CACYBP: variants seen among roughly 807,000 people sequenced by gnomAD.
CACYBP encodes the protein calcyclin-binding protein.
In CACYBP, 11 loss-of-function variants were observed where a neutral mutation model predicts 29.6. The observed-to-expected ratio is 0.37, with a 90% CI of 0.23 to 0.61. The LOEUF (loss-of-function observed/expected upper bound fraction) is 0.61. Among genes scored for constraint, CACYBP ranks in the 20% least tolerant of loss-of-function variants. CACYBP has a pLI of 0.65. For missense variants in CACYBP, 163 were observed against 260.7 expected (o/e 0.63, Z 2.58); for synonymous variants, 73 against 88.3 (o/e 0.83, Z 0.97).
chr1:175,000,283 G>A (rs1185700808), intron 1 of CACYBP, 88 bp downstream of exon 1: 1 of 1,534,888 alleles, frequency 6.5e-7, no homozygotes, highest in African/African-American at 1.4e-5. Context: ...CGTGGGCTGA[G>A]CCGCCCTGCG....
rs1360456054 is a variant in CACYBP at position 175,009,237 on chromosome 1, CA to C, written c.530+532del. On this transcript the variant is annotated intron_variant, in intron 5 of 5. Coordinates refer to ENST00000367679, the MANE Select transcript of CACYBP (RefSeq NM_014412.3). ...TAAAAAATACATGAGCTTCAGGGTA[CA>C]TCCATGTGTAATGTTTATGATTTTC... Among the ~76,000 whole-genome samples, 43 of 152,098 alleles carry C rather than the reference CA, an allele frequency of 2.8e-4. 1 individual carries two copies. The highest frequency in any genetic ancestry group is 2.8e-3 in the Admixed American group (43 of 15,270).
intron 1 of CACYBP, among the ~76,000 whole-genome samples, chr1:175,003,222 G>A (rs1000477940): frequency 3.3e-5 from 5 of 151,780 alleles, no homozygotes; most frequent in African/African-American, 1.2e-4. Flanking sequence ...GGGTTCAAGC[G>A]ATTCTTCTGC....
intron 1 of CACYBP, 93 bp downstream of exon 1, chr1:175,000,288 C>T: frequency 3.9e-6 from 6 of 1,527,028 alleles, no homozygotes; most frequent in South Asian, 2.4e-5. Flanking sequence ...GCTGAGCCGC[C>T]CTGCGGCCAC....
At chr1:175,004,471 T>G (rs1226559699) in intron 1 of CACYBP, 143 bp from the exon 2 acceptor site, 6 of 550,878 alleles carry the variant, frequency 1.1e-5, no homozygotes, top group Non-Finnish European at 1.9e-5. Flanking sequence ...ATGGAAGAAT[T>G]GAAGTTGCAA....
Position 175,011,629 on chromosome 1 carries a change from A to G in CACYBP, c.*1550A>G, listed in dbSNP as rs1037662327. ...ATTCCAATAATTAAGAATACTTCAT[A>G]CAAAAAGAAATGTAAATGACCTTTA... On this transcript the variant is annotated 3_prime_UTR_variant, in exon 6 of 6. Coordinates refer to ENST00000367679, the MANE Select transcript of CACYBP (RefSeq NM_014412.3). The G allele has an allele frequency of 2.6e-5, 4 of 152,260 alleles. No individual in the cohort carries two copies. Among genetic ancestry groups the G allele is most frequent in the Admixed American group, 6.5e-5 (1 of 15,288 alleles). The allele number at this position is 152,260 out of a possible 1,614,324, so 9.4% of individuals were successfully genotyped here.
chr1:175,004,890 G>C (rs1486942460), intron 2 of CACYBP, 57 bp downstream of exon 2: 1 of 1,101,706 alleles, frequency 9.1e-7, no homozygotes, highest in Non-Finnish European at 1.4e-6. Context: ...TCCTCATAGT[G>C]GTCTAACAAA....
chr1:175,003,889 A>G (rs1240105748), intron 1 of CACYBP, among the ~76,000 whole-genome samples: 1 of 152,220 alleles, frequency 6.6e-6, no homozygotes. Flanking sequence ...TGGATTGGCA[A>G]GAGAAGAAAA....
At chr1:175,008,243 C>A (rs1474910924) in intron 4 of CACYBP, among the ~76,000 whole-genome samples, 1 of 152,080 alleles carries the variant, frequency 6.6e-6, no homozygotes, top group South Asian at 2.1e-4. Flanking sequence ...TCAAACACAC[C>A]AAGATGATCC....
upstream of CACYBP, chr1:174,999,915 C>A: frequency 9.1e-6 from 5 of 547,100 alleles, no homozygotes; most frequent in East Asian, 3.5e-5. Flanking sequence ...CTAGGCTCGG[C>A]GAGGCGAGGA....
At chr1:175,004,242 A>C (rs1340238033) in intron 1 of CACYBP, among the ~76,000 whole-genome samples, 1 of 152,222 alleles carries the variant, frequency 6.6e-6, no homozygotes, top group East Asian at 1.9e-4. Flanking sequence ...TCTAACATCT[A>C]ATGACACTCG....
At chr1:175,000,528 G>A (rs1672448332) in intron 1 of CACYBP, 2 of 1,241,602 alleles carry the variant, frequency 1.6e-6, no homozygotes, top group East Asian at 9.1e-5. Context: ...CCCAGCCAGT[G>A]GACAGGAAGC....
intron 1 of CACYBP, chr1:175,000,483 TGCGCGTGTTCCTCAG>T (rs927665340): frequency 7.5e-7 from 1 of 1,338,780 alleles, no homozygotes; most frequent in African/African-American, 1.6e-5. Flanking sequence ...AGCGGCCCTT[TGCGCGTGTTCCTCAG>T]GCCCTTTCTG....
intron 1 of CACYBP, among the ~76,000 whole-genome samples, chr1:175,003,348 A>T (rs752344177): frequency 2.2e-4 from 33 of 152,092 alleles, no homozygotes; most frequent in Non-Finnish European, 5.9e-5. Flanking sequence ...CGAACCCCTA[A>T]CCTCAAGTGA....
intron 1 of CACYBP, among the ~76,000 whole-genome samples, chr1:175,002,696 A>G (rs1360700715): frequency 1.3e-5 from 2 of 152,230 alleles, no homozygotes; most frequent in Non-Finnish European, 2.9e-5. Context: ...AAGTCTGCCA[A>G]TAACAGAACT....
At position 175,011,858 on chromosome 1, in the gene CACYBP, C is replaced by T. The variant is rs927153641; in HGVS notation, c.*1779C>T. ...GTGGCTCACACCTGTAATCCCAACA[C>T]CTTGGGAGGCCAAGGTGGGCGGATC... On this transcript the variant is annotated 3_prime_UTR_variant, in exon 6 of 6. Transcript: ENST00000367679. 1 of 152,246 alleles carries T rather than the reference C, an allele frequency of 6.6e-6. No individual in the cohort carries two copies. The highest frequency in any genetic ancestry group is 1.5e-5 in the Non-Finnish European group (1 of 68,072). The allele number at this position is 152,246 out of a possible 1,614,324, so 9.4% of individuals were successfully genotyped here.
intron 1 of CACYBP, chr1:175,000,460 G>T (rs1672444236): frequency 7.3e-7 from 1 of 1,370,158 alleles, no homozygotes; most frequent in African/African-American, 1.5e-5. Context: ...GGTGCGGGGA[G>T]TGGGTCTGGG....
At chr1:175,004,983 A>T in intron 2 of CACYBP, 150 bp downstream of exon 2, 1 of 690,712 alleles carries the variant, frequency 1.4e-6, no homozygotes, top group South Asian at 1.6e-5. Context: ...AACTTTTTTA[A>T]GATATAAATA....
Position 175,000,135 on chromosome 1 carries a change from C to A in CACYBP, c.-46C>A. ...GCTCGGCGCGGGGTTTCCTGTTCCT[C>A]CTTCTGCGCGGCTGCAGCTCGGGAC... On this transcript the variant is annotated 5_prime_UTR_variant, in exon 1 of 6. Transcript: ENST00000367679. 6.3e-7 allele frequency: 1 copy of A among 1,587,888 alleles called. No individual in the cohort carries two copies. The highest frequency in any genetic ancestry group is 8.6e-7 in the Non-Finnish European group (1 of 1,166,736).
chr1:175,000,205 C>G lies in CACYBP; in HGVS notation c.15+10C>G. 1.2e-6 allele frequency: 2 copies of G among 1,605,484 alleles called. No homozygotes were observed. Among genetic ancestry groups the G allele is most frequent in the Non-Finnish European group, 1.7e-6 (2 of 1,175,980 alleles). ...CATGGCTTCAGAAGAGGTAAGTGGT[C>G]CGGCCCCATATTCCTTATGCCCCCC... On this transcript the variant is annotated intron_variant, in intron 1 of 5. Transcript: ENST00000367679.
Sources: gnomAD v4.1 joint callset for allele counts (sites outside exome capture counted in the v4.1 genomes callset) on GRCh38, gnomAD v4.1.1 for gene constraint, MANE v1.5 for transcripts, NCBI Gene and HGNC (gene_info 2026-07-23, HGNC 2026-07-21) for gene names.